The following ZNF146 variants were observed in gnomAD, a reference collection of about 807,000 sequenced individuals.
The protein encoded by ZNF146 is zinc finger protein 146.
ZNF146 carries 9 observed loss-of-function variants against 22.2 expected under a neutral mutation model. The ratio of observed to expected loss-of-function variants is 0.41; its 90% confidence interval spans 0.24 to 0.71. The LOEUF is 0.71. Among genes scored for constraint, ZNF146 ranks in the 30% least tolerant of loss-of-function variants. The probability of loss-of-function intolerance (pLI) is 0.34; values close to 1 mark genes in which losing one functional copy is unlikely to be tolerated. For missense variants in ZNF146, 194 were observed against 344.8 expected (o/e 0.56, Z 3.46); for synonymous variants, 108 against 119.2 (o/e 0.91, Z 0.61).
At chr19:36,233,914 CG>C (rs1977518326) in intron 3 of ZNF146, among the ~76,000 whole-genome samples, 1 of 146,628 alleles carries the variant, frequency 6.8e-6, no homozygotes, top group Non-Finnish European at 1.5e-5. Flanking sequence ...AGACCCTTTA[CG>C]GGTGTCGGAC....
At chr19:36,215,677 C>A (rs1976571882) in intron 1 of ZNF146, among the ~76,000 whole-genome samples, 1 of 151,076 alleles carries the variant, frequency 6.6e-6, no homozygotes, top group African/African-American at 2.4e-5. Context: ...TTTAATTAAA[C>A]GAGAGTGTTT....
At position 36,236,389 on chromosome 19, in the gene ZNF146, A is replaced by G. The variant is rs957493474; in HGVS notation, c.-52A>G. ...GCCAAAAGTAAATCCTCACTCATCAAGAAATTTTTACTGGAGAGAAACCTT... is the reference window on the plus strand; with the variant it reads ...GCCAAAAGTAAATCCTCACTCATCAGGAAATTTTTACTGGAGAGAAACCTT... On this transcript the variant is annotated 5_prime_UTR_variant, in exon 4 of 4. Coordinates refer to ENST00000443387, the MANE Select transcript of ZNF146 (RefSeq NM_007145.3). The G allele has an allele frequency of 1.3e-6, 2 of 1,539,970 alleles. No individual in the cohort carries two copies. The highest frequency in any genetic ancestry group is 1.4e-5 in the African/African-American group (1 of 71,998).
At chr19:36,218,965 C>T (rs150187054) in intron 2 of ZNF146, among the ~76,000 whole-genome samples, 3,712 of 150,860 alleles carry the variant, frequency 0.025, 169 homozygotes, top group African/African-American at 0.083. Context: ...CCCACCACCA[C>T]GTCCGGCTAA....
At chr19:36,219,859 A>G (rs761047524) in intron 2 of ZNF146, among the ~76,000 whole-genome samples, 3 of 152,226 alleles carry the variant, frequency 2.0e-5, no homozygotes, top group African/African-American at 7.2e-5. Flanking sequence ...CCCTGGAAGT[A>G]TAGTCTTAAT....
chr19:36,215,823 C>T (rs1160741655), intron 1 of ZNF146, among the ~76,000 whole-genome samples: 1 of 152,098 alleles, frequency 6.6e-6, no homozygotes, highest in African/African-American at 2.4e-5. Flanking sequence ...CATATAACGG[C>T]GCCCAGGATG....
chr19:36,228,257 C>T (rs1250768248), intron 2 of ZNF146, among the ~76,000 whole-genome samples: 2 of 99,420 alleles, frequency 2.0e-5, no homozygotes, highest in Non-Finnish European at 4.2e-5. Context: ...TTCTTGAGTA[C>T]TGTCAGAACA....
chr19:36,237,339 AAAGTGG>A lies in ZNF146; in HGVS notation c.*21_*26del. On this transcript the variant is annotated 3_prime_UTR_variant, in exon 4 of 4. Transcript: ENST00000443387. ...CACTAAAAACCCCATGAAAGCCTTGAAAGTGGGAAAGCTTTCATTAGAAATTTGCAC... is the reference window on the plus strand; with the variant it reads ...CACTAAAAACCCCATGAAAGCCTTGAGAAAGCTTTCATTAGAAATTTGCAC... The A allele has an allele frequency of 6.4e-7, 1 of 1,564,496 alleles. No homozygotes were observed. The highest frequency in any genetic ancestry group is 8.6e-7 in the Non-Finnish European group (1 of 1,157,166).
chr19:36,216,982 C>G (rs1220034172), intron 1 of ZNF146, among the ~76,000 whole-genome samples: 1 of 149,220 alleles, frequency 6.7e-6, no homozygotes, highest in Non-Finnish European at 1.5e-5. Context: ...TCACTTGAGC[C>G]TAGGAGGTCA....
At chr19:36,225,507 C>CT (rs34008093) in intron 2 of ZNF146, among the ~76,000 whole-genome samples, 16 of 149,432 alleles carry the variant, frequency 1.1e-4, no homozygotes, top group South Asian at 2.1e-4. Context: ...GTGATTCTTA[C>CT]TTTTTTTTTT....
Position 36,236,321 on chromosome 19 carries a change from A to T in ZNF146, c.-120A>T. 1.6e-6 allele frequency: 2 copies of T among 1,214,594 alleles called. No individual in the cohort carries two copies. The highest frequency in any genetic ancestry group is 2.3e-6 in the Non-Finnish European group (2 of 880,866). The allele number at this position is 1,214,594 out of a possible 1,614,324, so 75.2% of individuals were successfully genotyped here. On this transcript the variant is annotated 5_prime_UTR_variant, in exon 4 of 4. Transcript: ENST00000443387. ...TTACTCTGCATTTGGGAGATCATAC[A>T]CAGAGAAGCCTTATAAATGTAAGAG...
intron 2 of ZNF146, among the ~76,000 whole-genome samples, chr19:36,221,973 A>G (rs1599962351): frequency 7.8e-6 from 1 of 128,304 alleles, no homozygotes; most frequent in Non-Finnish European, 1.6e-5. Context: ...TCTGTCACCC[A>G]AGCTGGTGTG....
At chr19:36,217,729 A>G (rs1216034326) in intron 1 of ZNF146, among the ~76,000 whole-genome samples, 2 of 152,070 alleles carry the variant, frequency 1.3e-5, no homozygotes, top group Non-Finnish European at 2.9e-5. Context: ...TACTAAAAAT[A>G]CAAAATTAGC....
chr19:36,217,927 A>G (rs542095866), intron 1 of ZNF146, among the ~76,000 whole-genome samples, 195 bp from the exon 2 acceptor site: 1 of 152,042 alleles, frequency 6.6e-6, no homozygotes, highest in South Asian at 2.1e-4. Context: ...ACGAAATAAT[A>G]AAACTGGCTG....
At chr19:36,235,572 T>TGAA (rs1248588202) in intron 3 of ZNF146, 87 bp from the exon 4 acceptor site, 4 of 152,144 alleles carry the variant, frequency 2.6e-5, no homozygotes, top group Non-Finnish European at 4.4e-5. Context: ...AAAGGTAAAA[T>TGAA]GAAGGGCTTA....
intron 2 of ZNF146, among the ~76,000 whole-genome samples, chr19:36,221,640 A>G (rs1414475422): frequency 6.6e-6 from 1 of 152,106 alleles, no homozygotes; most frequent in Non-Finnish European, 1.5e-5. Flanking sequence ...TAAGTAATGC[A>G]TTTCTGTGAT....
Position 36,238,072 on chromosome 19 carries a change from C to T in ZNF146, c.*753C>T, listed in dbSNP as rs906894790. The T allele has an allele frequency of 1.2e-5, 2 of 166,898 alleles. No homozygotes were observed. The highest frequency in any genetic ancestry group is 2.9e-5 in the Non-Finnish European group (2 of 68,082). 10.3% of individuals were successfully genotyped at this position (166,898 alleles called of 1,614,324 possible). ...TTACTGTGGCTTGATTTGTAGTAGCCAAAAATTAGAAACAACTGAGAAAGC... is the reference window on the plus strand; with the variant it reads ...TTACTGTGGCTTGATTTGTAGTAGCTAAAAATTAGAAACAACTGAGAAAGC... On this transcript the variant is annotated 3_prime_UTR_variant, in exon 4 of 4. Coordinates refer to ENST00000443387, the MANE Select transcript of ZNF146 (RefSeq NM_007145.3).
intron 3 of ZNF146, among the ~76,000 whole-genome samples, chr19:36,230,993 G>A (rs1977334474): frequency 6.6e-6 from 1 of 151,868 alleles, no homozygotes; most frequent in Non-Finnish European, 1.5e-5. Flanking sequence ...TAGAGTCGAG[G>A]TTTCACCATG....
chr19:36,231,269 G>T (rs1977355674), intron 3 of ZNF146, among the ~76,000 whole-genome samples: 1 of 152,044 alleles, frequency 6.6e-6, no homozygotes. Context: ...GAGTGCGGTG[G>T]TGCCATCGTG....
intron 3 of ZNF146, among the ~76,000 whole-genome samples, chr19:36,234,570 TG>T (rs1428296251): frequency 1.3e-5 from 2 of 152,184 alleles, no homozygotes; most frequent in Non-Finnish European, 2.9e-5. Flanking sequence ...GCTAATTTTT[TG>T]TATTTTTAGT....
Sources: allele counts gnomAD v4.1 joint callset (sites outside exome capture counted in the v4.1 genomes callset), GRCh38; gene constraint gnomAD v4.1.1; transcripts MANE v1.5; gene names NCBI Gene and HGNC (gene_info 2026-07-23, HGNC 2026-07-21).